DGKI: variants seen among roughly 807,000 people sequenced by gnomAD.
The protein encoded by DGKI is DAG kinase iota.
Under a neutral mutation model 147.5 loss-of-function variants are expected in DGKI, and 55 were observed. That is an observed-to-expected ratio of 0.37 (90% CI 0.30 to 0.47). DGKI has a LOEUF of 0.47. DGKI is among the 20% of genes least tolerant of loss of function. The pLI, the probability that DGKI is intolerant of heterozygous loss-of-function variation, is 1.00. For missense variants in DGKI, 1,007 were observed against 1,323.8 expected, an observed-to-expected ratio of 0.76 and a Z score of 3.71; for synonymous variants, 469 against 477.1, an observed-to-expected ratio of 0.98 and a Z score of 0.22.
rs1005617484 is a variant in DGKI at position 137,581,793 on chromosome 7, C to A, written c.1642+57G>T. 2.7e-6 allele frequency: 4 copies of A among 1,459,952 alleles called. No individual in the cohort carries two copies. In the South Asian group the frequency reaches 3.4e-5, roughly 13 times the overall value. 90.4% of individuals were successfully genotyped at this position (1,459,952 alleles called of 1,614,324 possible). ...TGATATACAAACAAAAGGGAACATG[C>A]AAAACACCTGCTAGAAACTTCCTCC... On this transcript the variant is annotated intron_variant, in intron 15 of 32. Coordinates refer to ENST00000614521, the MANE Select transcript of DGKI (RefSeq NM_001321708.2).
chr7:137,565,382 T>C (rs2128973157), intron 19 of DGKI, among the ~76,000 whole-genome samples: 1 of 152,304 alleles, frequency 6.6e-6, no homozygotes, highest in East Asian at 1.9e-4. Context: ...GATAATTTAC[T>C]TTAATTCTTA....
At chr7:137,783,228 C>T (rs1047388961) in intron 1 of DGKI, among the ~76,000 whole-genome samples, 3 of 152,058 alleles carry the variant, frequency 2.0e-5, no homozygotes, top group East Asian at 1.9e-4. Context: ...AAATCAAAAA[C>T]GTGATACAGG....
At chr7:137,603,275 C>T (rs931329910) in intron 10 of DGKI, among the ~76,000 whole-genome samples, 1 of 152,126 alleles carries the variant, frequency 6.6e-6, no homozygotes, top group Admixed American at 6.5e-5. Context: ...GTTCAAATAG[C>T]TCATCAATCT....
intron 23 of DGKI, among the ~76,000 whole-genome samples, chr7:137,484,266 T>C (rs1424536772): frequency 3.9e-5 from 6 of 152,098 alleles, no homozygotes; most frequent in African/African-American, 1.4e-4. Flanking sequence ...CTACAAGATA[T>C]AGGTTTTTCT....
intron 23 of DGKI, among the ~76,000 whole-genome samples, chr7:137,472,396 A>ATATGTATATATACATATT (rs1396290321): frequency 5.3e-5 from 5 of 94,726 alleles, no homozygotes; most frequent in Admixed American, 2.3e-4. Context: ...TACATATTAT[A>ATATGTATATATACATATT]ATTATTATAT....
At position 137,595,253 on chromosome 7, in the gene DGKI, T is replaced by C. The variant is rs534299615; in HGVS notation, c.1311+2594A>G. On this transcript the variant is annotated intron_variant, in intron 12 of 32. Transcript: ENST00000614521. ...AGTCTACATGTCAGGAGGCTGACAA[T>C]GGCATCAGAGAGATCACAGACATTC... Among the ~76,000 whole-genome samples, 33 of 152,358 alleles carry C rather than the reference T, an allele frequency of 2.2e-4. No homozygotes were observed. The South Asian group carries it at 5.4e-3, about 25-fold the overall frequency.
At chr7:137,675,111 G>A (rs1392112975) in intron 3 of DGKI, among the ~76,000 whole-genome samples, 1 of 152,142 alleles carries the variant, frequency 6.6e-6, no homozygotes, top group African/African-American at 2.4e-5. Context: ...AAAGACTGTT[G>A]TTCTAAGAAA....
At chr7:137,462,868 G>A (rs535016856) in intron 27 of DGKI, among the ~76,000 whole-genome samples, 16 of 152,252 alleles carry the variant, frequency 1.1e-4, no homozygotes, top group Middle Eastern at 3.4e-3. Flanking sequence ...CAAAGGTATC[G>A]ACACTGCTGT....
intron 19 of DGKI, among the ~76,000 whole-genome samples, chr7:137,559,693 A>G (rs1272454839): frequency 6.6e-6 from 1 of 151,596 alleles, no homozygotes; most frequent in East Asian, 2.0e-4. Context: ...TCACTACCAA[A>G]GTGAGTTTAT....
intron 1 of DGKI, among the ~76,000 whole-genome samples, chr7:137,817,025 A>G (rs1302162735): frequency 6.6e-6 from 1 of 152,174 alleles, no homozygotes; most frequent in Non-Finnish European, 1.5e-5. Context: ...CTAAAATGAC[A>G]ATTTAAGTGA....
chr7:137,725,493 C>A (rs186606244), intron 1 of DGKI, among the ~76,000 whole-genome samples: 1 of 151,448 alleles, frequency 6.6e-6, no homozygotes, highest in Admixed American at 6.6e-5. Flanking sequence ...CATCACAAGA[C>A]GATAAAGCCT....
At chr7:137,617,041 G>A (rs1050310982) in intron 8 of DGKI, among the ~76,000 whole-genome samples, 1 of 137,472 alleles carries the variant, frequency 7.3e-6, no homozygotes, top group African/African-American at 2.7e-5. Flanking sequence ...TGAACCCACT[G>A]ATTGATCTTA....
intron 12 of DGKI, among the ~76,000 whole-genome samples, chr7:137,595,838 C>T (rs1819770534): frequency 6.6e-6 from 1 of 151,256 alleles, no homozygotes; most frequent in African/African-American, 2.4e-5. Flanking sequence ...ATCGTCTCTA[C>T]TAAAAATACA....
At chr7:137,840,418 A>T (rs547988429) in intron 1 of DGKI, among the ~76,000 whole-genome samples, 2 of 152,220 alleles carry the variant, frequency 1.3e-5, no homozygotes, top group Admixed American at 6.5e-5. Context: ...GCATTTTTAC[A>T]TTTTAATCAC....
intron 24 of DGKI, among the ~76,000 whole-genome samples, chr7:137,467,879 G>T (rs1223862577): frequency 2.0e-5 from 3 of 151,756 alleles, no homozygotes; most frequent in South Asian, 2.1e-4. Flanking sequence ...AGCTACTTGG[G>T]AGGCTGAAGT....
intron 1 of DGKI, among the ~76,000 whole-genome samples, chr7:137,733,740 A>G (rs904275173): frequency 3.7e-4 from 57 of 152,206 alleles, no homozygotes; most frequent in African/African-American, 1.3e-3. Flanking sequence ...GCATAACTCA[A>G]AAGGTGGAGA....
intron 27 of DGKI, among the ~76,000 whole-genome samples, chr7:137,446,869 A>C (rs1421866582): frequency 1.3e-5 from 2 of 152,212 alleles, no homozygotes; most frequent in East Asian, 3.8e-4. Flanking sequence ...TAAACCTGAC[A>C]ACTGAGGCAT....
intron 27 of DGKI, among the ~76,000 whole-genome samples, chr7:137,457,362 C>T (rs1293877299): frequency 6.6e-6 from 1 of 152,208 alleles, no homozygotes; most frequent in Non-Finnish European, 1.5e-5. Context: ...ATCAAAATCG[C>T]TGTCCAACAG....
chr7:137,568,979 A>G (rs148281211), intron 19 of DGKI, among the ~76,000 whole-genome samples: 1 of 152,248 alleles, frequency 6.6e-6, no homozygotes, highest in African/African-American at 2.4e-5. Context: ...AGACACAGAT[A>G]TAGTCTGAGA....
Sources: gnomAD v4.1 joint callset for allele counts (sites outside exome capture counted in the v4.1 genomes callset) on GRCh38, gnomAD v4.1.1 for gene constraint, MANE v1.5 for transcripts, NCBI Gene and HGNC (gene_info 2026-07-23, HGNC 2026-07-21) for gene names.